The following SCAI variants were observed in gnomAD, a reference collection of about 807,000 sequenced individuals.
SCAI encodes protein SCAI.
In SCAI, 24 loss-of-function variants were observed where a neutral mutation model predicts 92.2. The ratio of observed to expected loss-of-function variants is 0.26; its 90% CI spans 0.19 to 0.37. The LOEUF (loss-of-function observed/expected upper bound fraction) is 0.37, where lower values mean the gene tolerates loss of function less well. Among genes scored for constraint, SCAI ranks in the 10% least tolerant of loss-of-function variants. The pLI is 1.00. For synonymous variants in SCAI, 261 were observed against 258.6 expected, an observed-to-expected ratio of 1.01 and a Z score of -0.09; for missense variants, 450 against 736.2, an observed-to-expected ratio of 0.61 and a Z score of 4.50.
At chr9:125,083,668 T>A (rs1042925412) in intron 2 of SCAI, among the ~76,000 whole-genome samples, 1 of 152,112 alleles carries the variant, frequency 6.6e-6, no homozygotes, top group Non-Finnish European at 1.5e-5. Flanking sequence ...ATCAGCTGCA[T>A]GAAAATGGAG....
chr9:125,092,699 G>A (rs1442520766), intron 2 of SCAI, among the ~76,000 whole-genome samples: 1 of 152,098 alleles, frequency 6.6e-6, no homozygotes, highest in Non-Finnish European at 1.5e-5. Flanking sequence ...ATCACCAATG[G>A]GCCTCTGTGC....
In SCAI at chr9:125,046,196, G is replaced by GATAGATATATAT. The variant is rs1554784575; in HGVS notation, c.230+9679_230+9680insATATATATCTAT. On this transcript the variant is annotated intron_variant, in intron 3 of 17. Coordinates refer to ENST00000336505, the MANE Select transcript of SCAI (RefSeq NM_001144877.3). The stretch of plus-strand genomic sequence containing the variant: ...CAACAAGTGAATAAAGAAATTGTGA[G>GATAGATATATAT]ATATATATATATATATATATATATA... Among the ~76,000 whole-genome samples, 17 of 51,878 alleles carry GATAGATATATAT rather than the reference G, an allele frequency of 3.3e-4. 1 individual carries two copies. The highest frequency in any genetic ancestry group is 9.7e-4 in the South Asian group (1 of 1,026). 34.0% of individuals were successfully genotyped at this position (51,878 alleles called of 152,430 possible).
At chr9:124,956,256 T>A (rs1831313575) in intron 17 of SCAI, among the ~76,000 whole-genome samples, 1 of 152,224 alleles carries the variant, frequency 6.6e-6, no homozygotes, top group South Asian at 2.1e-4. Context: ...TTCGCTCTTG[T>A]TGCCCAGGCT....
intron 2 of SCAI, among the ~76,000 whole-genome samples, chr9:125,132,363 C>T (rs571375044): frequency 1.1e-4 from 16 of 152,202 alleles, no homozygotes; most frequent in African/African-American, 2.4e-4. Context: ...CCACCCACCT[C>T]GGCCGTCCAA....
intron 2 of SCAI, among the ~76,000 whole-genome samples, chr9:125,070,862 T>C (rs921631241): frequency 6.6e-6 from 1 of 152,208 alleles, no homozygotes; most frequent in Non-Finnish European, 1.5e-5. Flanking sequence ...ATGGTTTGGC[T>C]GTGTCCCTAC....
At chr9:124,991,505 C>T (rs1832122656) in intron 14 of SCAI, among the ~76,000 whole-genome samples, 1 of 151,710 alleles carries the variant, frequency 6.6e-6, no homozygotes, top group Non-Finnish European at 1.5e-5. Flanking sequence ...AGAAAATACT[C>T]CAGAAATAAT....
Position 125,066,131 on chromosome 9 carries a change from A to G in SCAI, c.99-10124T>C, listed in dbSNP as rs1833864313. The stretch of plus-strand genomic sequence containing the variant: ...ATTTGTACATAACATGAACATTTCC[A>G]TAGAAATTTCAAAAGAATCTATATG... On this transcript the variant is annotated intron_variant, in intron 2 of 17. Transcript: ENST00000336505. 1.6e-5 allele frequency: 10 copies of G among 631,856 alleles called. No individual in the cohort carries two copies. The South Asian group carries it at 1.7e-4, about 11-fold the overall frequency. 39.1% of individuals were successfully genotyped at this position (631,856 alleles called of 1,614,324 possible).
At chr9:125,042,247 C>T (rs1833329960) in intron 3 of SCAI, among the ~76,000 whole-genome samples, 1 of 152,148 alleles carries the variant, frequency 6.6e-6, no homozygotes, top group Non-Finnish European at 1.5e-5. Context: ...TTATTGAAAT[C>T]CTCAGTTCTA....
rs1834427724 is a variant in SCAI, at chr9:125,091,533, G to A, written c.99-35526C>T. ...ACCTCCTAAAAACAGCTTTCAAAGT[G>A]AATATTTAGTTTTATTTATCACTCA... On this transcript the variant is annotated intron_variant, in intron 2 of 17. Transcript: ENST00000336505. This position sits in a 1 kb window ranked among gnomAD's most constrained non-coding sequence, Gnocchi z 4.3. Among the ~76,000 whole-genome samples, 3 of 152,134 alleles carry A rather than the reference G, an allele frequency of 2.0e-5. No homozygotes were observed. Among genetic ancestry groups the A allele is most frequent in the Non-Finnish European group, 1.5e-5 (1 of 68,044 alleles).
chr9:125,128,517 T>C (rs1326658179), intron 2 of SCAI, among the ~76,000 whole-genome samples: 1 of 151,006 alleles, frequency 6.6e-6, no homozygotes, highest in Non-Finnish European at 1.5e-5. Flanking sequence ...ACTTTGGGAG[T>C]CCGAGGCGGG....
intron 13 of SCAI, among the ~76,000 whole-genome samples, chr9:124,998,134 A>G (rs78434399): frequency 0.017 from 2,539 of 152,070 alleles, 72 homozygotes; most frequent in African/African-American, 0.059. Context: ...ATGTAACAAC[A>G]TTCATTTGTG....
At chr9:124,962,955 C>T (rs1831470328) in intron 17 of SCAI, among the ~76,000 whole-genome samples, 1 of 150,622 alleles carries the variant, frequency 6.6e-6, no homozygotes, top group Non-Finnish European at 1.5e-5. Flanking sequence ...CATGCCACCA[C>T]AGATGGCTAA....
Position 125,106,546 on chromosome 9 carries a change from G to A in SCAI, c.98+36087C>T, listed in dbSNP as rs535520270. On this transcript the variant is annotated intron_variant, in intron 2 of 17. Coordinates refer to ENST00000336505, the MANE Select transcript of SCAI (RefSeq NM_001144877.3). ...TCAAACCCACATTCTTCCCAAACAT[G>A]TGAATCTTAAACTAAGTCTTGTGTA... Among the ~76,000 whole-genome samples, 5 of 152,074 alleles carry A rather than the reference G, an allele frequency of 3.3e-5. No homozygotes were observed. In the South Asian group the frequency reaches 1.0e-3, roughly 32 times the overall value.
chr9:125,031,322 C>T (rs1408531335), intron 3 of SCAI, among the ~76,000 whole-genome samples: 3 of 151,372 alleles, frequency 2.0e-5, no homozygotes, highest in Non-Finnish European at 2.9e-5. Context: ...AGTGCAGTGG[C>T]GTGATCTTGG....
At chr9:125,062,257 C>A (rs1833783088) in intron 2 of SCAI, among the ~76,000 whole-genome samples, 1 of 151,498 alleles carries the variant, frequency 6.6e-6, no homozygotes, top group African/African-American at 2.4e-5. Context: ...TCTTGAGTAG[C>A]TGGGTCTCCA....
chr9:124,952,572 C>CTTT lies in SCAI; in HGVS notation c.*234_*235insAAA, dbSNP rs1157016862. On this transcript the variant is annotated 3_prime_UTR_variant, in exon 18 of 18. Transcript: ENST00000336505. ...TAGAAGTTGGAGGTAAATATCCATC[C>CTTT]CTCAAAATCAAAAAATAAAAATTCC... is the stretch of plus-strand genomic sequence containing the variant. The CTTT allele has an allele frequency of 1.2e-4, 44 of 381,036 alleles. No individual in the cohort carries two copies. The highest frequency in any genetic ancestry group is 1.6e-4 in the Non-Finnish European group (34 of 214,770). 23.6% of individuals were successfully genotyped at this position (381,036 alleles called of 1,614,324 possible).
chr9:124,984,944 G>A (rs1043905659), intron 14 of SCAI, among the ~76,000 whole-genome samples: 2 of 152,144 alleles, frequency 1.3e-5, no homozygotes, highest in African/African-American at 4.8e-5. Context: ...AGACTGAAAG[G>A]ATATGCAGAT....
intron 2 of SCAI, among the ~76,000 whole-genome samples, chr9:125,102,280 A>T (rs1361123772): frequency 6.6e-6 from 1 of 152,246 alleles, no homozygotes; most frequent in East Asian, 1.9e-4. Context: ...TTTATTTAGC[A>T]GCAGAAAAGG....
intron 2 of SCAI, among the ~76,000 whole-genome samples, chr9:125,060,132 C>A (rs1833743977): frequency 6.6e-6 from 1 of 152,128 alleles, no homozygotes; most frequent in African/African-American, 2.4e-5. Context: ...TCTAGACACA[C>A]ACTGTCCAAA....
Sources: allele counts gnomAD v4.1 joint callset (sites outside exome capture counted in the v4.1 genomes callset), GRCh38; gene constraint gnomAD v4.1.1; non-coding constraint Gnocchi (gnomAD v3.1); transcripts MANE v1.5; gene names NCBI Gene and HGNC (gene_info 2026-07-23, HGNC 2026-07-21).